Variants in PRKCQ observed in about 807,000 individuals in gnomAD.
PRKCQ encodes the protein protein kinase C theta.
Under a neutral mutation model 91.2 loss-of-function variants are expected in PRKCQ, and 41 were observed. That is an observed-to-expected ratio of 0.45 (90% confidence interval 0.35 to 0.58). The LOEUF (loss-of-function observed/expected upper bound fraction) is 0.58. PRKCQ is among the 20% of genes least tolerant of loss of function. The pLI is 0.00. For missense variants in PRKCQ, 673 were observed against 896.5 expected (o/e 0.75, Z 3.18); for synonymous variants, 307 against 316.9 (o/e 0.97, Z 0.33).
chr10:6,414,647 A>G, the PRKCQ span, among the ~76,000 whole-genome samples: 79 of 152,366 alleles, frequency 5.2e-4, no homozygotes, highest in African/African-American at 1.8e-3. Flanking sequence ...GGTGAAAACT[A>G]TAATGTCTGA....
At chr10:6,404,253 G>GAGAGAGAGAGA in the PRKCQ span, among the ~76,000 whole-genome samples, 9 of 12,370 alleles carry the variant, frequency 7.3e-4, no homozygotes, top group Non-Finnish European at 5.9e-3. Context: ...GAGAAGGGGG[G>GAGAGAGAGAGA]GGGAGAGAGA....
chr10:6,519,711 G>A (rs1838919369), intron 1 of PRKCQ, among the ~76,000 whole-genome samples: 1 of 152,124 alleles, frequency 6.6e-6, no homozygotes, highest in Non-Finnish European at 1.5e-5. Flanking sequence ...CCAAATTTAG[G>A]ATCTAATTTT....
intron 16 of PRKCQ, among the ~76,000 whole-genome samples, chr10:6,438,865 G>A (rs570261007): frequency 1.3e-5 from 2 of 152,312 alleles, no homozygotes; most frequent in Admixed American, 6.5e-5. Flanking sequence ...TTCAAAGGGC[G>A]AGGGTTCCAG....
chr10:6,503,903 A>T (rs1361300764), intron 4 of PRKCQ, among the ~76,000 whole-genome samples: 2 of 152,148 alleles, frequency 1.3e-5, no homozygotes, highest in African/African-American at 2.4e-5. Flanking sequence ...CAGCCTCTCA[A>T]GTAGGTGGGA....
the PRKCQ span, among the ~76,000 whole-genome samples, chr10:6,414,928 C>T: frequency 6.6e-6 from 1 of 152,024 alleles, no homozygotes. Context: ...TGGCCTCCAA[C>T]TTTCCAAGTA....
At chr10:6,415,409 T>C in the PRKCQ span, among the ~76,000 whole-genome samples, 11 of 2,302 alleles carry the variant, frequency 4.8e-3, no homozygotes, top group Non-Finnish European at 8.9e-3. Context: ...AAAATACATA[T>C]ATATATATAT....
At chr10:6,482,002 T>A (rs1006312907) in intron 11 of PRKCQ, among the ~76,000 whole-genome samples, 10 of 151,840 alleles carry the variant, frequency 6.6e-5, no homozygotes, top group Non-Finnish European at 1.3e-4. Context: ...TCCCCTTTTT[T>A]TTTTTTTTGC....
chr10:6,404,597 CTCTCTCTT>C, the PRKCQ span, among the ~76,000 whole-genome samples: 6 of 141,118 alleles, frequency 4.3e-5, no homozygotes, highest in Admixed American at 7.4e-5. Context: ...CTTTTTTTCT[CTCTCTCTT>C]TCTCTCTTTC....
At chr10:6,466,904 C>G (rs1028742637) in intron 12 of PRKCQ, among the ~76,000 whole-genome samples, 7 of 152,174 alleles carry the variant, frequency 4.6e-5, no homozygotes, top group Admixed American at 4.6e-4. Context: ...CCTTACTCAG[C>G]CCTGGGTTCA....
chr10:6,558,661 G>A lies in PRKCQ; in HGVS notation c.-10+21550C>T, dbSNP rs7904996. ...GCAGCAGGTTTTTAGGAGAATCACAGCATGCTGGAATATCGTCATCTATTC... is the reference window on the plus strand; with the variant it reads ...GCAGCAGGTTTTTAGGAGAATCACAACATGCTGGAATATCGTCATCTATTC... On this transcript the variant is annotated intron_variant, in intron 1 of 17. Coordinates refer to ENST00000263125, the MANE Select transcript of PRKCQ (RefSeq NM_006257.5). Among the ~76,000 whole-genome samples the A allele has an allele frequency of 7.9e-3, 1,211 of 152,330 alleles. 10 individuals carry two copies. Among genetic ancestry groups the A allele is most frequent in the African/African-American group, 0.027 (1,141 of 41,574 alleles).
intron 3 of PRKCQ, among the ~76,000 whole-genome samples, chr10:6,507,713 T>C (rs1408113379): frequency 6.6e-6 from 1 of 152,220 alleles, no homozygotes. Flanking sequence ...TTAATTTTAT[T>C]TGGAGAGAAA....
intron 4 of PRKCQ, among the ~76,000 whole-genome samples, chr10:6,506,026 T>C (rs1490027492): frequency 6.6e-6 from 1 of 152,208 alleles, no homozygotes; most frequent in Admixed American, 6.5e-5. Flanking sequence ...GAATTAAACA[T>C]CATTGATACT....
chr10:6,542,043 T>C (rs1200042191), intron 1 of PRKCQ, among the ~76,000 whole-genome samples: 8 of 152,204 alleles, frequency 5.3e-5, no homozygotes, highest in Non-Finnish European at 1.2e-4. Flanking sequence ...TCCTCAACTC[T>C]GTCAGAGGCA....
At chr10:6,505,629 TTCCC>T (rs1039350250) in intron 4 of PRKCQ, among the ~76,000 whole-genome samples, 3 of 148,292 alleles carry the variant, frequency 2.0e-5, no homozygotes, top group African/African-American at 7.4e-5. Context: ...CCTTCCTTCC[TTCCC>T]TCCCTTCCTT....
chr10:6,424,804 G>C (rs1403005255), downstream of PRKCQ, among the ~76,000 whole-genome samples: 2 of 152,102 alleles, frequency 1.3e-5, no homozygotes, highest in Non-Finnish European at 2.9e-5. Flanking sequence ...TCGTGCACAG[G>C]GAGCTCTCAG....
At chr10:6,543,073 G>A (rs1054091440) in intron 1 of PRKCQ, among the ~76,000 whole-genome samples, 1 of 152,190 alleles carries the variant, frequency 6.6e-6, no homozygotes, top group Non-Finnish European at 1.5e-5. Context: ...GTGGAGCCCT[G>A]AGGGTGGGCC....
the PRKCQ span, among the ~76,000 whole-genome samples, chr10:6,408,973 G>A: frequency 6.6e-6 from 1 of 152,190 alleles, no homozygotes; most frequent in Non-Finnish European, 1.5e-5. Flanking sequence ...AGCTACTGTT[G>A]CAGTTTACAC....
At chr10:6,505,505 CT>C in intron 4 of PRKCQ, among the ~76,000 whole-genome samples, 1 of 116,626 alleles carries the variant, frequency 8.6e-6, no homozygotes, top group Non-Finnish European at 1.9e-5. Context: ...CTCCCTCCTC[CT>C]TCCTTCCTTC....
intron 7 of PRKCQ, among the ~76,000 whole-genome samples, chr10:6,492,866 G>C (rs1018582797): frequency 6.6e-6 from 1 of 152,202 alleles, no homozygotes; most frequent in African/African-American, 2.4e-5. Context: ...GCATAGCAAA[G>C]ATGCCTTATT....
Sources: gnomAD v4.1 joint callset for allele counts (sites outside exome capture counted in the v4.1 genomes callset) on GRCh38, gnomAD v4.1.1 for gene constraint, MANE v1.5 for transcripts, NCBI Gene and HGNC (gene_info 2026-07-23, HGNC 2026-07-21) for gene names.